The following PDGFD variants were observed in gnomAD, a reference collection of about 807,000 sequenced individuals.
PDGFD encodes the protein platelet derived growth factor D.
Under a neutral mutation model 44.7 loss-of-function variants are expected in PDGFD, and 30 were observed. The observed-to-expected ratio is 0.67, with a 90% CI of 0.50 to 0.91. The LOEUF (loss-of-function observed/expected upper bound fraction) is 0.91, where lower values mean the gene tolerates loss of function less well. Among genes scored for constraint, PDGFD ranks in the 40% least tolerant of loss-of-function variants. The pLI is 0.00. For synonymous variants in PDGFD, 173 were observed against 168.4 expected (o/e 1.03, Z -0.21); for missense variants, 445 against 457.8 (o/e 0.97, Z 0.25).
chr11:104,023,575 G>C (rs1859995833), intron 1 of PDGFD, among the ~76,000 whole-genome samples: 1 of 152,052 alleles, frequency 6.6e-6, no homozygotes, highest in South Asian at 2.1e-4. Flanking sequence ...TTAGTAAATT[G>C]TACAATTTTT....
At position 104,091,958 on chromosome 11, in the gene PDGFD, C is replaced by T. The variant is rs76092525; in HGVS notation, c.124+71846G>A. Among the ~76,000 whole-genome samples the T allele has an allele frequency of 5.5e-3, 844 of 152,250 alleles. 2 individuals are homozygous for T. Among genetic ancestry groups the T allele is most frequent in the African/African-American group, 0.018 (760 of 41,536 alleles). ...ATAAACACCCCCAGCAAATGTTAAA[C>T]AAACCTCATACGTGTGCCTTTCTAT... On this transcript the variant is annotated intron_variant, in intron 1 of 6. Transcript: ENST00000393158.
chr11:104,047,354 C>G (rs991544908), intron 1 of PDGFD, among the ~76,000 whole-genome samples: 4 of 147,712 alleles, frequency 2.7e-5, no homozygotes, highest in Non-Finnish European at 4.5e-5. Context: ...TACACTCCCA[C>G]CAACAGTGTA....
At chr11:104,106,746 C>CTT (rs113183308) in intron 1 of PDGFD, among the ~76,000 whole-genome samples, 1 of 140,126 alleles carries the variant, frequency 7.1e-6, no homozygotes. Flanking sequence ...TGTATGATGC[C>CTT]TTTTTTTTTT....
intron 3 of PDGFD, among the ~76,000 whole-genome samples, chr11:103,964,276 C>T (rs537029036): frequency 6.6e-6 from 1 of 152,248 alleles, no homozygotes; most frequent in Non-Finnish European, 1.5e-5. Flanking sequence ...ACTGAAGAAG[C>T]TACATGCGGC....
intron 1 of PDGFD, among the ~76,000 whole-genome samples, chr11:104,031,428 A>G (rs1412606547): frequency 6.6e-6 from 1 of 152,260 alleles, no homozygotes; most frequent in Non-Finnish European, 1.5e-5. Context: ...AATGCAACAC[A>G]AAACCATAAT....
rs1440044974 is a variant in PDGFD, at chr11:103,988,274, A to AT, written c.510+7790dup. ...GGCACATTTATCTAAAAATCACTAC[A>AT]TTTTTTCTGGTTTTCAAGGATAAAA... is the stretch of plus-strand genomic sequence containing the variant. On this transcript the variant is annotated intron_variant, in intron 3 of 6. Coordinates refer to ENST00000393158, the MANE Select transcript of PDGFD (RefSeq NM_025208.5). 4.6e-5 allele frequency among the ~76,000 whole-genome samples: 7 copies of AT among 151,810 alleles called. No individual in the cohort carries two copies. In the East Asian group the frequency reaches 1.4e-3, roughly 29 times the overall value.
intron 3 of PDGFD, among the ~76,000 whole-genome samples, chr11:103,978,881 C>T (rs565213291): frequency 1.1e-4 from 17 of 152,026 alleles, no homozygotes; most frequent in Admixed American, 7.9e-4. Context: ...GAGTAGCAAA[C>T]GTGAACTTGG....
At chr11:104,094,192 G>A (rs1258059700) in intron 1 of PDGFD, among the ~76,000 whole-genome samples, 1 of 151,862 alleles carries the variant, frequency 6.6e-6, no homozygotes, top group East Asian at 1.9e-4. Context: ...TAGCTTTCGT[G>A]GCCATCGTAT....
At chr11:104,142,645 A>G (rs1015392230) in intron 1 of PDGFD, among the ~76,000 whole-genome samples, 3 of 152,164 alleles carry the variant, frequency 2.0e-5, no homozygotes, top group Admixed American at 6.5e-5. Flanking sequence ...TGGCTAAATG[A>G]GAATTGGAGA....
In PDGFD at chr11:104,017,405, G is replaced by T. The variant is rs549924410; in HGVS notation, c.125-17150C>A. ...TATGCAAACAAACACCAGGACATCAGATAGGAAGATTAAACCTCTATCCAT... is the reference window on the plus strand; with the variant it reads ...TATGCAAACAAACACCAGGACATCATATAGGAAGATTAAACCTCTATCCAT... On this transcript the variant is annotated intron_variant, in intron 1 of 6. Coordinates refer to ENST00000393158, the MANE Select transcript of PDGFD (RefSeq NM_025208.5). Among the ~76,000 whole-genome samples the T allele has an allele frequency of 5.3e-5, 8 of 152,030 alleles. No homozygotes were observed. In the South Asian group the frequency reaches 1.2e-3, roughly 24 times the overall value.
intron 1 of PDGFD, among the ~76,000 whole-genome samples, chr11:104,142,616 AG>A (rs1862102238): frequency 6.6e-6 from 1 of 152,194 alleles, no homozygotes; most frequent in African/African-American, 2.4e-5. Flanking sequence ...CTTATCTCTA[AG>A]TTTCCAAATT....
chr11:104,054,188 C>T (rs1279101706), intron 1 of PDGFD, among the ~76,000 whole-genome samples: 1 of 152,222 alleles, frequency 6.6e-6, no homozygotes, highest in African/African-American at 2.4e-5. Context: ...GAAGCGATTT[C>T]TGCAAAGGAA....
intron 1 of PDGFD, among the ~76,000 whole-genome samples, chr11:104,032,447 C>T (rs572793688): frequency 1.4e-3 from 206 of 152,152 alleles, no homozygotes; most frequent in African/African-American, 4.3e-3. Flanking sequence ...CAAGCACATA[C>T]TTAAAGGAAG....
rs186626809 is a variant in PDGFD at position 104,119,272 on chromosome 11, T to G, written c.124+44532A>C. ...TAATATATTGATATAATATATAATATATTAATATAATATATTGATATAATA... is the reference window on the plus strand; with the variant it reads ...TAATATATTGATATAATATATAATAGATTAATATAATATATTGATATAATA... On this transcript the variant is annotated intron_variant, in intron 1 of 6. Coordinates refer to ENST00000393158, the MANE Select transcript of PDGFD (RefSeq NM_025208.5). 2.9e-3 allele frequency among the ~76,000 whole-genome samples: 133 copies of G among 45,490 alleles called. 4 individuals are homozygous for G. The highest frequency in any genetic ancestry group is 0.01 in the African/African-American group (122 of 11,862). The allele number at this position is 45,490 out of a possible 152,430, so 29.8% of individuals were successfully genotyped here. A position where few individuals can be genotyped will look rare whatever the true frequency, so the allele number is the denominator to read the frequency against.
At chr11:103,942,852 A>G (rs1020509205) in intron 5 of PDGFD, among the ~76,000 whole-genome samples, 16 of 152,142 alleles carry the variant, frequency 1.1e-4, no homozygotes, top group Non-Finnish European at 7.4e-5. Context: ...AACCACACAG[A>G]CATTGGCAAA....
At chr11:104,088,838 A>G (rs544400610) in intron 1 of PDGFD, among the ~76,000 whole-genome samples, 1 of 152,022 alleles carries the variant, frequency 6.6e-6, no homozygotes, top group Non-Finnish European at 1.5e-5. Context: ...CTGATCCAAA[A>G]TTCTTCCCTC....
intron 1 of PDGFD, among the ~76,000 whole-genome samples, chr11:104,151,908 G>A (rs1474507088): frequency 6.6e-6 from 1 of 151,774 alleles, no homozygotes; most frequent in East Asian, 1.9e-4. Context: ...TCATCAAGAC[G>A]GAATCTCGAA....
rs946645882 is a variant in PDGFD, at chr11:103,909,118, T to C, written c.*576A>G. 10 of 152,444 alleles carry C rather than the reference T, an allele frequency of 6.6e-5. No individual in the cohort carries two copies. Among genetic ancestry groups the C allele is most frequent in the Admixed American group, 3.3e-4 (5 of 15,306 alleles). The allele number at this position is 152,444 out of a possible 1,614,324, so 9.4% of individuals were successfully genotyped here. A position where few individuals can be genotyped will look rare whatever the true frequency, so the allele number is the denominator to read the frequency against. On this transcript the variant is annotated 3_prime_UTR_variant, in exon 7 of 7. Coordinates refer to ENST00000393158, the MANE Select transcript of PDGFD (RefSeq NM_025208.5). ...TCTCATGGAAAAAATGCTTAGGTATTGGCCTTTTCTCTGGAAACCATATTT... is the reference window on the plus strand; with the variant it reads ...TCTCATGGAAAAAATGCTTAGGTATCGGCCTTTTCTCTGGAAACCATATTT...
intron 1 of PDGFD, among the ~76,000 whole-genome samples, chr11:104,138,542 C>T (rs1422556485): frequency 6.6e-6 from 1 of 152,206 alleles, no homozygotes; most frequent in East Asian, 1.9e-4. Flanking sequence ...GTAGCATGGA[C>T]ACAACCTGGG....
Sources: allele counts gnomAD v4.1 joint callset (sites outside exome capture counted in the v4.1 genomes callset), GRCh38; gene constraint gnomAD v4.1.1; transcripts MANE v1.5; gene names NCBI Gene and HGNC (gene_info 2026-07-23, HGNC 2026-07-21).